POU2F1: variants seen among roughly 807,000 people sequenced by gnomAD.
The protein encoded by POU2F1 is POU class 2 homeobox 1.
In POU2F1, 16 loss-of-function variants were observed where a neutral mutation model predicts 84.9. The observed-to-expected ratio is 0.19, with a 90% confidence interval of 0.13 to 0.29. The LOEUF (loss-of-function observed/expected upper bound fraction) is 0.29, where lower values mean the gene tolerates loss of function less well. POU2F1 is among the 10% of genes least tolerant of loss of function. The probability of loss-of-function intolerance (pLI) is 1.00; values close to 1 mark genes in which losing one functional copy is unlikely to be tolerated. For synonymous variants in POU2F1, 368 were observed against 368.3 expected, an observed-to-expected ratio of 1.00 and a Z score of 0.01; for missense variants, 738 against 942.6, an observed-to-expected ratio of 0.78 and a Z score of 2.84.
At chr1:167,410,811 T>C (rs1649910416) in intron 13 of POU2F1, among the ~76,000 whole-genome samples, 1 of 151,800 alleles carries the variant, frequency 6.6e-6, no homozygotes. Context: ...CCACCACACC[T>C]GGCCTTGTCT....
At chr1:167,415,113 T>G (rs1181728322) in intron 15 of POU2F1, among the ~76,000 whole-genome samples, 1 of 152,216 alleles carries the variant, frequency 6.6e-6, no homozygotes, top group Non-Finnish European at 1.5e-5. Context: ...AGCTAGTTTG[T>G]CCTTTGAACA....
At chr1:167,295,402 AT>A (rs910423109) in intron 1 of POU2F1, among the ~76,000 whole-genome samples, 3 of 152,222 alleles carry the variant, frequency 2.0e-5, no homozygotes, top group African/African-American at 7.2e-5. Context: ...GCTGCAGGCC[AT>A]TATTCTAAGT....
At chr1:167,397,042 C>T (rs1271107586) in intron 10 of POU2F1, among the ~76,000 whole-genome samples, 4 of 152,190 alleles carry the variant, frequency 2.6e-5, no homozygotes, top group East Asian at 1.9e-4. Flanking sequence ...ACCTGAAACA[C>T]GCATCCTTGG....
At chr1:167,378,838 T>TGCCTC (rs1647277971) in intron 7 of POU2F1, among the ~76,000 whole-genome samples, 1 of 151,956 alleles carries the variant, frequency 6.6e-6, no homozygotes, top group Admixed American at 6.6e-5. Flanking sequence ...CTGCAACCTC[T>TGCCTC]GCCTCGCGAG....
Position 167,419,317 on chromosome 1 carries a change from A to G in POU2F1, c.*3507A>G, listed in dbSNP as rs974803610. The G allele has an allele frequency of 6.6e-6, 1 of 152,096 alleles. No homozygotes were observed. Among genetic ancestry groups the G allele is most frequent in the Non-Finnish European group, 1.5e-5 (1 of 68,008 alleles). The allele number at this position is 152,096 out of a possible 1,614,324, so 9.4% of individuals were successfully genotyped here. A position where few individuals can be genotyped will look rare whatever the true frequency, so the allele number is the denominator to read the frequency against. ...CAGATAGGTCATCACAATTCATTGT[A>G]TTATTCTTTTTTTTTCCCCTTAATG... On this transcript the variant is annotated 3_prime_UTR_variant, in exon 16 of 16. Coordinates refer to ENST00000367866, the MANE Select transcript of POU2F1 (RefSeq NM_002697.4).
chr1:167,260,567 T>C (rs927690978), intron 1 of POU2F1, among the ~76,000 whole-genome samples: 1 of 152,214 alleles, frequency 6.6e-6, no homozygotes, highest in African/African-American at 2.4e-5. Context: ...TGTTTAAGTA[T>C]ATGGATTTCT....
At chr1:167,239,326 A>G (rs1208250250) in intron 1 of POU2F1, among the ~76,000 whole-genome samples, 2 of 152,206 alleles carry the variant, frequency 1.3e-5, no homozygotes, top group Non-Finnish European at 2.9e-5. Flanking sequence ...TTCACTCCCC[A>G]TATCTTTTTT....
At chr1:167,256,707 A>G (rs1022507322) in intron 1 of POU2F1, among the ~76,000 whole-genome samples, 1 of 152,194 alleles carries the variant, frequency 6.6e-6, no homozygotes, top group African/African-American at 2.4e-5. Context: ...TTGCCTTTGA[A>G]TAAGGGAGAG....
chr1:167,224,257 C>G (rs1418522030), intron 1 of POU2F1, among the ~76,000 whole-genome samples: 1 of 152,074 alleles, frequency 6.6e-6, no homozygotes, highest in Non-Finnish European at 1.5e-5. Context: ...TTGTTGTGAT[C>G]CCCCAGACTT....
In POU2F1 at chr1:167,422,489, A is replaced by C. The variant is rs1200472866; in HGVS notation, c.*6679A>C. The C allele has an allele frequency of 6.6e-6, 1 of 152,270 alleles. No individual in the cohort carries two copies. Among genetic ancestry groups the C allele is most frequent in the Non-Finnish European group, 1.5e-5 (1 of 68,048 alleles). The allele number at this position is 152,270 out of a possible 1,614,324, so 9.4% of individuals were successfully genotyped here. A position where few individuals can be genotyped will look rare whatever the true frequency, so the allele number is the denominator to read the frequency against. On this transcript the variant is annotated 3_prime_UTR_variant, in exon 16 of 16. Transcript: ENST00000367866. ...ATAAAAAGCAAACCAAGAAGTTGAA[A>C]GCTAACCTGCCCACCTCACCCCTGT...
In POU2F1 at chr1:167,416,087, T is replaced by TA. The variant is rs34032944; in HGVS notation, c.*296dup. 0.011 allele frequency: 3,755 copies of TA among 350,844 alleles called. 13 individuals are homozygous for TA. Among genetic ancestry groups the TA allele is most frequent in the African/African-American group, 0.03 (981 of 32,850 alleles). 21.7% of individuals were successfully genotyped at this position (350,844 alleles called of 1,614,324 possible). ...ATTGGAGAACTTTCTAACCAAAAAT[T>TA]AAAAAAAAAAAAAAAAAAAGAAACA... On this transcript the variant is annotated 3_prime_UTR_variant, in exon 16 of 16. Transcript: ENST00000367866.
At chr1:167,364,916 G>T (rs1473072874) in intron 2 of POU2F1, among the ~76,000 whole-genome samples, 1 of 152,208 alleles carries the variant, frequency 6.6e-6, no homozygotes, top group Non-Finnish European at 1.5e-5. Context: ...CCTTGCTAAT[G>T]AGATACATGC....
chr1:167,293,656 T>C (rs1374300641), intron 1 of POU2F1, among the ~76,000 whole-genome samples: 1 of 152,116 alleles, frequency 6.6e-6, no homozygotes, highest in Non-Finnish European at 1.5e-5. Context: ...AAGGTAATTG[T>C]AAACAAAAAG....
chr1:167,371,513 T>C (rs868572795), intron 4 of POU2F1, among the ~76,000 whole-genome samples: 7 of 152,336 alleles, frequency 4.6e-5, no homozygotes, highest in Middle Eastern at 3.4e-3. Context: ...GATCAAGTGA[T>C]CATTCTCTGA....
chr1:167,261,504 C>G (rs946654221), intron 1 of POU2F1, among the ~76,000 whole-genome samples: 1 of 152,056 alleles, frequency 6.6e-6, no homozygotes, highest in African/African-American at 2.4e-5. Flanking sequence ...TAGCTGTTGG[C>G]ACAGTCTAGG....
chr1:167,415,698 C>G lies in POU2F1; in HGVS notation c.2189C>G (p.Ala730Gly), dbSNP rs1486222992. Residue 730 changes from alanine (A) to glycine (G), a missense_variant, in exon 16 of 16, where the codon GCC (alanine) becomes GGC (glycine). Physicochemically the swap from Ala to Gly is moderately conservative, Grantham distance 60. Around this residue, in one of 4 missense-constraint regions of POU2F1, gnomAD observed 319 missense variants for 386.0 expected, o/e 0.83. Transcript: ENST00000367866. Reference protein sequence around the residue: ...AASAGNSAPVASLHATSTSAE... With the variant: ...AASAGNSAPVGSLHATSTSAE... ...TCTGCAGGGAACTCTGCACCTGTAG[C>G]CAGCCTTCACGCCACCTCCACCTCT... The G allele has an allele frequency of 1.2e-6, 2 of 1,614,006 alleles. No individual in the cohort carries two copies. Among genetic ancestry groups the G allele is most frequent in the Admixed American group, 1.7e-5 (1 of 59,998 alleles).
At chr1:167,362,303 T>TA (rs1039538708) in intron 2 of POU2F1, among the ~76,000 whole-genome samples, 4 of 152,248 alleles carry the variant, frequency 2.6e-5, no homozygotes, top group African/African-American at 9.6e-5. Flanking sequence ...CTTTTTACCT[T>TA]ACTACCTTTG....
At chr1:167,295,656 A>T (rs1654243443) in intron 1 of POU2F1, among the ~76,000 whole-genome samples, 1 of 152,240 alleles carries the variant, frequency 6.6e-6, no homozygotes, top group Admixed American at 6.5e-5. Flanking sequence ...TGAAATTTTA[A>T]AAGACATTTT....
chr1:167,239,028 T>G (rs1474461486), intron 1 of POU2F1, among the ~76,000 whole-genome samples: 1 of 152,208 alleles, frequency 6.6e-6, no homozygotes, highest in East Asian at 1.9e-4. Flanking sequence ...CTTTAATCTT[T>G]TCTCCACCAT....
Sources: gnomAD v4.1 joint callset for allele counts (sites outside exome capture counted in the v4.1 genomes callset) on GRCh38, gnomAD v4.1.1 for gene constraint, gnomAD v4.1.1 regional missense constraint, MANE v1.5 for transcripts, NCBI Gene and HGNC (gene_info 2026-07-23, HGNC 2026-07-21) for gene names.